Variants in TBC1D4 observed in about 807,000 individuals in gnomAD.
TBC1D4 encodes TBC (Tre-2, BUB2, CDC16) domain-containing protein.
A neutral mutation model predicts 142.5 loss-of-function variants in TBC1D4; 121 were observed. That is an observed-to-expected ratio of 0.85 (90% CI 0.73 to 0.99). The LOEUF is 0.99. Among genes scored for constraint, TBC1D4 ranks in the 50% least tolerant of loss-of-function variants. TBC1D4 has a pLI of 0.00. For synonymous variants in TBC1D4, 630 were observed against 628.2 expected (o/e 1.00, Z -0.04); for missense variants, 1,475 against 1,606.6 (o/e 0.92, Z 1.40).
chr13:75,473,941 C>G (rs1888521852), intron 1 of TBC1D4, among the ~76,000 whole-genome samples: 1 of 152,036 alleles, frequency 6.6e-6, no homozygotes, highest in African/African-American at 2.4e-5. Context: ...TTATTCTAAC[C>G]TAAAATTATA....
At chr13:75,349,077 G>A (rs1048573545) in intron 5 of TBC1D4, 93 bp downstream of exon 5, 28 of 1,573,030 alleles carry the variant, frequency 1.8e-5, no homozygotes, top group African/African-American at 1.1e-4. Flanking sequence ...GTTTCACATC[G>A]AAACAAAGAA....
At chr13:75,337,638 G>C (rs1464069093) in intron 7 of TBC1D4, among the ~76,000 whole-genome samples, 1 of 152,170 alleles carries the variant, frequency 6.6e-6, no homozygotes, top group Non-Finnish European at 1.5e-5. Context: ...ATGGTCCTTA[G>C]TAGCAAAAAA....
At chr13:75,370,240 G>T (rs1018332721) in intron 1 of TBC1D4, among the ~76,000 whole-genome samples, 2 of 152,142 alleles carry the variant, frequency 1.3e-5, no homozygotes, top group Non-Finnish European at 2.9e-5. Flanking sequence ...CGCGATTATG[G>T]GGGAGGCAGT....
Position 75,481,366 on chromosome 13 carries a change from G to C in TBC1D4, c.402C>G (p.His134Gln). The C allele has an allele frequency of 6.2e-7, 1 of 1,613,962 alleles. No homozygotes were observed. Among genetic ancestry groups the C allele is most frequent in the Non-Finnish European group, 8.5e-7 (1 of 1,179,858 alleles). ...TCAGGTAGGCAAAGTAGGTGAGGTCGTGGCTGTTGTGGATGAAGCGCGAGA... is the reference window on the plus strand; with the variant it reads ...TCAGGTAGGCAAAGTAGGTGAGGTCCTGGCTGTTGTGGATGAAGCGCGAGA... ...QHISRFIHNS[H>Q]DLTYFAYLIK... The change falls in exon 1 of 21, where the codon CAC becomes CAG. Residue 134 changes from histidine to glutamine, a missense_variant. His to Gln is a conservative substitution (Grantham distance 24, BLOSUM62 0). Transcript: ENST00000377636.
chr13:75,445,629 T>C (rs1887248969), intron 1 of TBC1D4, among the ~76,000 whole-genome samples: 1 of 152,210 alleles, frequency 6.6e-6, no homozygotes. Flanking sequence ...TCATCTAATT[T>C]GTTATCTGTT....
At chr13:75,361,674 C>T (rs934913969) in intron 2 of TBC1D4, among the ~76,000 whole-genome samples, 3 of 152,198 alleles carry the variant, frequency 2.0e-5, no homozygotes, top group African/African-American at 4.8e-5. Context: ...GCCCCCGCGC[C>T]GGGCCTACAA....
intron 1 of TBC1D4, among the ~76,000 whole-genome samples, chr13:75,392,586 TCTTCCTCC>T (rs1884545612): frequency 6.6e-6 from 1 of 151,850 alleles, no homozygotes; most frequent in African/African-American, 2.4e-5. Flanking sequence ...CTCTTTCCGT[TCTTCCTCC>T]CCCTCCCCTT....
chr13:75,324,396 A>G lies in TBC1D4; in HGVS notation c.2039T>C (p.Leu680Pro). ...RQSSSEQCSN[L>P]SSVRRMYKES... is the part of the protein sequence containing the mutation. The stretch of plus-strand genomic sequence containing the variant: ...CTTGTACATGCGTCGAACTGACGAA[A>G]GATTGCTGAGTACAGAAAATACAGC... Residue 680 changes from leucine to proline, a missense_variant, in exon 11 of 21, where the codon CTT becomes CCT. Transcript: ENST00000377636. The G allele has an allele frequency of 6.2e-7, 1 of 1,613,976 alleles. No homozygotes were observed. The highest frequency in any genetic ancestry group is 8.5e-7 in the Non-Finnish European group (1 of 1,179,854).
chr13:75,383,080 G>A (rs911200255), intron 1 of TBC1D4, among the ~76,000 whole-genome samples: 15 of 152,304 alleles, frequency 9.8e-5, no homozygotes, highest in African/African-American at 3.6e-4. Context: ...CCAACATATC[G>A]GGAGGCAGAG....
chr13:75,367,096 T>C (rs1882958077), intron 1 of TBC1D4: 1 of 452,332 alleles, frequency 2.2e-6, no homozygotes, highest in Non-Finnish European at 2.9e-6. Context: ...TTCCCAGGAG[T>C]AACCATTATT....
chr13:75,365,682 T>C (rs1882868385), intron 1 of TBC1D4, among the ~76,000 whole-genome samples: 1 of 152,204 alleles, frequency 6.6e-6, no homozygotes, highest in Non-Finnish European at 1.5e-5. Flanking sequence ...GAATCCTTCT[T>C]ATATGTGTTG....
In TBC1D4 at chr13:75,362,493, G is replaced by A; in HGVS notation, c.613C>T (p.Leu205=). The change falls in exon 2 of 21, where the codon CTG becomes TTG. Residue 205 remains leucine, a synonymous_variant. Transcript: ENST00000377636. The surrounding 1 kb of genome is among the most constrained non-coding windows in gnomAD (Gnocchi z 4.2). ...GTCACGGTCACCTTTCCACAGTACA[G>A]GACTTCGAACTTCTGAGAGTTGTAA... ...AFYNSQKFEV[L]YCGKVTVTHK... 1 of 1,614,212 alleles carries A rather than the reference G, an allele frequency of 6.2e-7. No homozygotes were observed. Among genetic ancestry groups the A allele is most frequent in the East Asian group, 2.2e-5 (1 of 44,882 alleles).
At chr13:75,474,013 A>G (rs1230028780) in intron 1 of TBC1D4, among the ~76,000 whole-genome samples, 2 of 152,226 alleles carry the variant, frequency 1.3e-5, no homozygotes, top group Non-Finnish European at 2.9e-5. Flanking sequence ...ACACTAAATC[A>G]AAGGTACACC....
Position 75,430,371 on chromosome 13 carries a change from G to A in TBC1D4, c.498+50899C>T, listed in dbSNP as rs1886547225. ...CATTTCTTTAAAAATTAAACAAATG[G>A]TATTTTTGTGAATTCTAAATAGGCC... On this transcript the variant is annotated intron_variant, in intron 1 of 20. Coordinates refer to ENST00000377636, the MANE Select transcript of TBC1D4 (RefSeq NM_014832.5). Among the ~76,000 whole-genome samples the A allele has an allele frequency of 2.0e-5, 3 of 152,118 alleles. 1 individual carries two copies. Among genetic ancestry groups the A allele is most frequent in the Admixed American group, 2.0e-4 (3 of 15,274 alleles).
chr13:75,305,981 T>G (rs1284803597), intron 15 of TBC1D4, among the ~76,000 whole-genome samples: 1 of 152,194 alleles, frequency 6.6e-6, no homozygotes, highest in Non-Finnish European at 1.5e-5. Context: ...TACACATATA[T>G]GTAAATGAAT....
At chr13:75,353,199 T>C (rs951120963) in intron 4 of TBC1D4, among the ~76,000 whole-genome samples, 2 of 152,210 alleles carry the variant, frequency 1.3e-5, no homozygotes, top group Non-Finnish European at 1.5e-5. Context: ...TCCCAGACTT[T>C]CTACTGTGAT....
Position 75,425,495 on chromosome 13 carries a change from T to C in TBC1D4, c.498+55775A>G, listed in dbSNP as rs1345573777. Reference sequence around the variant, plus strand: ...ATATCTAAAGGATATGACATCAGTATGTTGAAAAGGTATCTATACTATCAT... The same window carrying C: ...ATATCTAAAGGATATGACATCAGTACGTTGAAAAGGTATCTATACTATCAT... On this transcript the variant is annotated intron_variant, in intron 1 of 20. Transcript: ENST00000377636. 2.0e-5 allele frequency among the ~76,000 whole-genome samples: 3 copies of C among 152,330 alleles called. No individual in the cohort carries two copies. The East Asian group carries it at 5.8e-4, about 29-fold the overall frequency.
At chr13:75,409,930 A>C (rs1885542360) in intron 1 of TBC1D4, among the ~76,000 whole-genome samples, 1 of 152,312 alleles carries the variant, frequency 6.6e-6, no homozygotes. Flanking sequence ...AATTTCTTTC[A>C]AATATTCTGA....
intron 5 of TBC1D4, among the ~76,000 whole-genome samples, chr13:75,344,139 G>A (rs533965149): frequency 4.6e-5 from 7 of 152,260 alleles, no homozygotes; most frequent in Non-Finnish European, 8.8e-5. Flanking sequence ...GTTAGCCACC[G>A]TGCCCGGCCA....
Sources: allele counts gnomAD v4.1 joint callset (sites outside exome capture counted in the v4.1 genomes callset), GRCh38; gene constraint gnomAD v4.1.1; non-coding constraint Gnocchi (gnomAD v3.1); transcripts MANE v1.5; gene names NCBI Gene and HGNC (gene_info 2026-07-23, HGNC 2026-07-21).